Variants in HSD17B8 observed in about 807,000 individuals in gnomAD.
The protein encoded by HSD17B8 is hydroxysteroid 17-beta dehydrogenase 8, also known as (3R)-3-hydroxyacyl-CoA dehydrogenase.
In HSD17B8, 23 loss-of-function variants were observed where a neutral mutation model predicts 33.2. That is an observed-to-expected ratio of 0.69 (90% CI 0.50 to 0.98). The LOEUF is 0.98. HSD17B8 is among the 50% of genes least tolerant of loss of function. The probability of loss-of-function intolerance (pLI) is 0.00; values close to 1 mark genes in which losing one functional copy is unlikely to be tolerated. For missense variants in HSD17B8, 345 were observed against 347.5 expected, an observed-to-expected ratio of 0.99 and a Z score of 0.06; for synonymous variants, 137 against 138.6, an observed-to-expected ratio of 0.99 and a Z score of 0.08.
chr6:33,204,745 G>A, intron 1 of HSD17B8, 25 bp downstream of exon 1: 1 of 1,612,746 alleles, frequency 6.2e-7, no homozygotes, highest in Admixed American at 1.7e-5. Context: ...TTCCCCGGGC[G>A]GTTTGGGGTA....
Position 33,205,227 on chromosome 6 carries a change from T to C in HSD17B8, c.277T>C (p.Phe93Leu), listed in dbSNP as rs773720520. The C allele has an allele frequency of 1.9e-6, 3 of 1,613,138 alleles. No individual in the cohort carries two copies. The highest frequency in any genetic ancestry group is 2.5e-6 in the Non-Finnish European group (3 of 1,179,974). Reference sequence around the variant, plus strand: ...TAACCTCCCCCTCCCATAGGCCTGCTTTTCTCGCCCACCATCTGTCGTTGT... The same window carrying C: ...TAACCTCCCCCTCCCATAGGCCTGCCTTTCTCGCCCACCATCTGTCGTTGT... Reference protein sequence around the residue: ...RCLLEQVQACFSRPPSVVVSC... With the variant: ...RCLLEQVQACLSRPPSVVVSC... Residue 93 changes from phenylalanine to leucine, a missense_variant, in exon 3 of 9, where the codon TTT becomes CTT. Physicochemically the swap from Phe to Leu is conservative, Grantham distance 22. Coordinates refer to ENST00000374662, the MANE Select transcript of HSD17B8 (RefSeq NM_014234.5). The surrounding 1 kb of genome is among the most constrained non-coding windows in gnomAD (Gnocchi z 5.0).
chr6:33,206,509 A>G lies in HSD17B8; in HGVS notation c.769+60A>G. 3 of 1,574,432 alleles carry G rather than the reference A, an allele frequency of 1.9e-6. No homozygotes were observed. Among genetic ancestry groups the G allele is most frequent in the Non-Finnish European group, 2.6e-6 (3 of 1,144,174 alleles). On this transcript the variant is annotated intron_variant, in intron 8 of 8. Transcript: ENST00000374662. The surrounding 1 kb of genome is among the most constrained non-coding windows in gnomAD (Gnocchi z 6.2). ...AAGTAGAACCCAGACTATATGAGAA[A>G]GCAAGTAAGGGGAGTCTGGAGCCAC...
chr6:33,204,857 C>G (rs1302488510), intron 1 of HSD17B8, 45 bp from the exon 2 acceptor site: 2 of 1,495,762 alleles, frequency 1.3e-6, no homozygotes, highest in South Asian at 2.6e-5. Flanking sequence ...TGATCCCTGC[C>G]CTCTCCTCCC....
Position 33,205,337 on chromosome 6 carries a change from G to A in HSD17B8, c.387G>A (p.Lys129=). Residue 129 remains lysine (K), a splice_region_variant and synonymous_variant, in exon 3 of 9, where the codon AAG becomes AAA. Coordinates refer to ENST00000374662, the MANE Select transcript of HSD17B8 (RefSeq NM_014234.5). This position sits in a 1 kb window ranked among gnomAD's most constrained non-coding sequence, Gnocchi z 5.0. ...ACAAAGTCATAGCTGTCAACCTCAAGGTGGCGATCTCTGAACCTGCGACGT... is the reference window on the plus strand; with the variant it reads ...ACAAAGTCATAGCTGTCAACCTCAAAGTGGCGATCTCTGAACCTGCGACGT... ...DWDKVIAVNL[K]GTFLVTQAAA... is the part of the protein sequence containing the mutation. The A allele has an allele frequency of 6.2e-7, 1 of 1,612,804 alleles. No individual in the cohort carries two copies. The highest frequency in any genetic ancestry group is 8.5e-7 in the Non-Finnish European group (1 of 1,179,408).
intron 1 of HSD17B8, 34 bp from the exon 2 acceptor site, chr6:33,204,868 C>A: frequency 1.3e-6 from 2 of 1,492,216 alleles, no homozygotes; most frequent in East Asian, 2.5e-5. Flanking sequence ...CTCTCCTCCC[C>A]GTGCCCGGTC....
rs1482970650 is a variant in HSD17B8 at position 33,204,986 on chromosome 6, C to T, written c.137C>T (p.Ala46Val). 2.0e-6 allele frequency: 3 copies of T among 1,485,422 alleles called. No homozygotes were observed. Among genetic ancestry groups the T allele is most frequent in the South Asian group, 2.8e-5 (2 of 71,618 alleles). The allele number at this position is 1,485,422 out of a possible 1,614,324, so 92.0% of individuals were successfully genotyped here. The change falls in exon 2 of 9, where the codon GCA (alanine) becomes GTA (valine). Residue 46 changes from alanine (A) to valine (V), a missense_variant. Ala to Val is a moderately conservative substitution (Grantham distance 64). Transcript: ENST00000374662. ...ATVAACDLDR[A>V]AAQETVRLLG... is the part of the protein sequence containing the mutation. ...GTAGCTGCCTGCGACCTGGACCGGG[C>T]AGCGGCACAGGAGACGGTGCGGCTG...
chr6:33,205,218 T>TA lies in HSD17B8; in HGVS notation c.271-2dup, dbSNP rs756246487. 81 of 1,612,846 alleles carry TA rather than the reference T, an allele frequency of 5.0e-5. No homozygotes were observed. Among genetic ancestry groups the TA allele is most frequent in the Non-Finnish European group, 6.6e-5 (78 of 1,179,780 alleles). On this transcript the variant is annotated splice_polypyrimidine_tract_variant and splice_region_variant and intron_variant, in intron 2 of 8. Coordinates refer to ENST00000374662, the MANE Select transcript of HSD17B8 (RefSeq NM_014234.5). This position sits in a 1 kb window ranked among gnomAD's most constrained non-coding sequence, Gnocchi z 5.0. ...TTTGATGCGTAACCTCCCCCTCCCA[T>TA]AGGCCTGCTTTTCTCGCCCACCATC...
chr6:33,205,773 G>A lies in HSD17B8; in HGVS notation c.566+48G>A, dbSNP rs1253793273. ...CTGGGGAGCACCTGGGGGGTCTGAG[G>A]GAGGTACCAGCATTCAGCCCTCTCC... On this transcript the variant is annotated intron_variant, in intron 5 of 8. Coordinates refer to ENST00000374662, the MANE Select transcript of HSD17B8 (RefSeq NM_014234.5). This position sits in a 1 kb window ranked among gnomAD's most constrained non-coding sequence, Gnocchi z 5.0. 1.2e-6 allele frequency: 2 copies of A among 1,610,430 alleles called. No individual in the cohort carries two copies. Among genetic ancestry groups the A allele is most frequent in the East Asian group, 2.2e-5 (1 of 44,878 alleles).
In HSD17B8 at chr6:33,206,776, T is replaced by A; in HGVS notation, c.*122T>A. 1 of 1,058,184 alleles carries A rather than the reference T, an allele frequency of 9.5e-7. No homozygotes were observed. Among genetic ancestry groups the A allele is most frequent in the Non-Finnish European group, 1.5e-6 (1 of 681,146 alleles). The allele number at this position is 1,058,184 out of a possible 1,614,324, so 65.5% of individuals were successfully genotyped here. ...CAGTGTATGGTTCAGGAATGCTGAA[T>A]ATGGGAAGCAGGGGTGCTTGTGACC... On this transcript the variant is annotated 3_prime_UTR_variant, in exon 9 of 9. Transcript: ENST00000374662. The surrounding 1 kb of genome is among the most constrained non-coding windows in gnomAD (Gnocchi z 6.2).
chr6:33,205,175 G>A lies in HSD17B8; in HGVS notation c.271-46G>A, dbSNP rs764913157. On this transcript the variant is annotated intron_variant, in intron 2 of 8. Transcript: ENST00000374662. The surrounding 1 kb of genome is among the most constrained non-coding windows in gnomAD (Gnocchi z 5.0). ...GCTCTGATATTGCCTCCACTGCCCC[G>A]GCTTTTTGTGGGGGGTTTTTGATGC... 3.7e-6 allele frequency: 6 copies of A among 1,608,520 alleles called. No individual in the cohort carries two copies. Among genetic ancestry groups the A allele is most frequent in the Middle Eastern group, 3.3e-4 (2 of 6,044 alleles).
chr6:33,206,633 C>A lies in HSD17B8; in HGVS notation c.770-5C>A. The A allele has an allele frequency of 6.2e-7, 1 of 1,613,936 alleles. No homozygotes were observed. Among genetic ancestry groups the A allele is most frequent in the African/African-American group, 1.3e-5 (1 of 74,994 alleles). ...CATCTGTCCAAATGTTTCTGCCCCT[C>A]CCAGGAGGTCTTTTCATGTAACTGC... On this transcript the variant is annotated splice_polypyrimidine_tract_variant and splice_region_variant and intron_variant, in intron 8 of 8. Coordinates refer to ENST00000374662, the MANE Select transcript of HSD17B8 (RefSeq NM_014234.5). The surrounding 1 kb of genome is among the most constrained non-coding windows in gnomAD (Gnocchi z 6.2).
At position 33,204,874 on chromosome 6, in the gene HSD17B8, C is replaced by T. The variant is rs1267847450; in HGVS notation, c.53-28C>T. On this transcript the variant is annotated intron_variant, in intron 1 of 8. Transcript: ENST00000374662. Reference sequence around the variant, plus strand: ...ATCCCTGCCCTCTCCTCCCCGTGCCCGGTCCGGCGTGTTCTGTCCTACCTC... The same window carrying T: ...ATCCCTGCCCTCTCCTCCCCGTGCCTGGTCCGGCGTGTTCTGTCCTACCTC... 2.0e-6 allele frequency: 3 copies of T among 1,489,814 alleles called. No homozygotes were observed. The Admixed American group carries it at 6.6e-5, about 33-fold the overall frequency. The allele number at this position is 1,489,814 out of a possible 1,614,324, so 92.3% of individuals were successfully genotyped here. A position where few individuals can be genotyped will look rare whatever the true frequency, so the allele number is the denominator to read the frequency against.
Position 33,205,470 on chromosome 6 carries a change from T to G in HSD17B8, c.411T>G (p.Ala137=), listed in dbSNP as rs751927513. ...NLKGTFLVTQ[A]AAQALVSNGC... is the part of the protein sequence containing the mutation. ...AGGGCACCTTCCTAGTCACTCAGGC[T>G]GCAGCACAAGCCCTGGTGTCCAATG... Residue 137 remains alanine, a synonymous_variant, in exon 4 of 9, where the codon GCT becomes GCG. Coordinates refer to ENST00000374662, the MANE Select transcript of HSD17B8 (RefSeq NM_014234.5). This position sits in a 1 kb window ranked among gnomAD's most constrained non-coding sequence, Gnocchi z 5.0. 9.3e-6 allele frequency: 15 copies of G among 1,613,060 alleles called. No homozygotes were observed. In the East Asian group the frequency reaches 3.3e-4, roughly 36 times the overall value.
rs996842144 is a variant in HSD17B8 at position 33,205,491 on chromosome 6, C to T, written c.432C>T (p.Ser144=). The change falls in exon 4 of 9, where the codon TCC becomes TCT. Residue 144 remains serine, a synonymous_variant. Transcript: ENST00000374662. The surrounding 1 kb of genome is among the most constrained non-coding windows in gnomAD (Gnocchi z 5.0). ...VTQAAAQALV[S]NGCRGSIINI... is the part of the protein sequence containing the mutation. ...AGGCTGCAGCACAAGCCCTGGTGTC[C>T]AATGGTTGTCGTGGTTCCATCATCA... 1.9e-6 allele frequency: 3 copies of T among 1,613,102 alleles called. No homozygotes were observed. The highest frequency in any genetic ancestry group is 2.5e-6 in the Non-Finnish European group (3 of 1,180,022).
In HSD17B8 at chr6:33,205,614, A is replaced by T; in HGVS notation, c.481-26A>T. The T allele has an allele frequency of 6.2e-7, 1 of 1,612,580 alleles. No individual in the cohort carries two copies. The highest frequency in any genetic ancestry group is 8.5e-7 in the Non-Finnish European group (1 of 1,179,554). ...AACCCCTCCTTGAGACTCCTGACTCATTCCACATCTCTGACTCACCTATAG... is the reference window on the plus strand; with the variant it reads ...AACCCCTCCTTGAGACTCCTGACTCTTTCCACATCTCTGACTCACCTATAG... On this transcript the variant is annotated intron_variant, in intron 4 of 8. Transcript: ENST00000374662. The surrounding 1 kb of genome is among the most constrained non-coding windows in gnomAD (Gnocchi z 5.0).
In HSD17B8 at chr6:33,206,734, G is replaced by C. The variant is rs1775097197; in HGVS notation, c.*80G>C. On this transcript the variant is annotated 3_prime_UTR_variant, in exon 9 of 9. Coordinates refer to ENST00000374662, the MANE Select transcript of HSD17B8 (RefSeq NM_014234.5). This position sits in a 1 kb window ranked among gnomAD's most constrained non-coding sequence, Gnocchi z 6.2. ...TGCTGATGAGGACTCTAAGTTCCCA[G>C]GATACAAAAGGGGTGGCAGTGTATG... The C allele has an allele frequency of 7.1e-7, 1 of 1,404,430 alleles. No individual in the cohort carries two copies. The highest frequency in any genetic ancestry group is 2.3e-5 in the East Asian group (1 of 43,924). 87.0% of individuals were successfully genotyped at this position (1,404,430 alleles called of 1,614,324 possible). A position where few individuals can be genotyped will look rare whatever the true frequency, so the allele number is the denominator to read the frequency against.
At position 33,206,463 on chromosome 6, in the gene HSD17B8, A is replaced by G; in HGVS notation, c.769+14A>G. On this transcript the variant is annotated intron_variant, in intron 8 of 8. Transcript: ENST00000374662. The surrounding 1 kb of genome is among the most constrained non-coding windows in gnomAD (Gnocchi z 6.2). ...TGGAAGTCACTGGTATGAGGCCAGC[A>G]TGGGGAGGGAGAGGGCAGAGAAGTA... The G allele has an allele frequency of 6.2e-7, 1 of 1,609,832 alleles. No homozygotes were observed. Among genetic ancestry groups the G allele is most frequent in the South Asian group, 1.1e-5 (1 of 90,998 alleles).
rs770521610 is a variant in HSD17B8 at position 33,204,679 on chromosome 6, AGCTCCAGAACCGACTCC to A, written c.17_33del (p.Gln6ArgfsTer64). The A allele has an allele frequency of 2.5e-6, 4 of 1,612,874 alleles. No homozygotes were observed. Among genetic ancestry groups the A allele is most frequent in the Non-Finnish European group, 3.4e-6 (4 of 1,179,986 alleles). On this transcript the variant is annotated frameshift_variant, in exon 1 of 9. Coordinates refer to ENST00000374662, the MANE Select transcript of HSD17B8 (RefSeq NM_014234.5). LOFTEE classifies it high-confidence loss of function. The stretch of plus-strand genomic sequence containing the variant: ...CACCCACAGCCCGCCATGGCGTCTC[AGCTCCAGAACCGACTCC>A]GCTCCGCACTGGCCTTGGTCACAGG...
chr6:33,205,799 A>T lies in HSD17B8; in HGVS notation c.567-29A>T. The T allele has an allele frequency of 1.9e-6, 3 of 1,611,764 alleles. No individual in the cohort carries two copies. Among genetic ancestry groups the T allele is most frequent in the Non-Finnish European group, 2.5e-6 (3 of 1,178,854 alleles). ...GAGGTACCAGCATTCAGCCCTCTCC[A>T]GAATCGGCAGCCACTCTCCTTCCCA... On this transcript the variant is annotated intron_variant, in intron 5 of 8. Coordinates refer to ENST00000374662, the MANE Select transcript of HSD17B8 (RefSeq NM_014234.5). The surrounding 1 kb of genome is among the most constrained non-coding windows in gnomAD (Gnocchi z 5.0).
Sources: allele counts gnomAD v4.1 joint callset, GRCh38; gene constraint gnomAD v4.1.1; non-coding constraint Gnocchi (gnomAD v3.1); transcripts MANE v1.5; gene names NCBI Gene and HGNC (gene_info 2026-07-23, HGNC 2026-07-21).